Variants in RBBP8NL observed in about 807,000 individuals in gnomAD.
The protein encoded by RBBP8NL is RBBP8 N-terminal like.
In RBBP8NL, 59 loss-of-function variants were observed where a neutral mutation model predicts 62.2. The ratio of observed to expected loss-of-function variants is 0.95; its 90% CI spans 0.77 to 1.18. The LOEUF (loss-of-function observed/expected upper bound fraction) is 1.18, where lower values mean the gene tolerates loss of function less well. Among genes scored for constraint, RBBP8NL ranks in the 50% most tolerant of loss-of-function variants. The pLI is 0.00. For missense variants in RBBP8NL, 896 were observed against 899.5 expected, an observed-to-expected ratio of 1.00 and a Z score of 0.05; for synonymous variants, 412 against 394.1, an observed-to-expected ratio of 1.05 and a Z score of -0.54.
chr20:62,413,520 G>T lies in RBBP8NL; in HGVS notation c.1556C>A (p.Ser519Tyr). Residue 519 changes from serine (S) to tyrosine (Y), a missense_variant, in exon 11 of 14, where the codon TCC (serine) becomes TAC (tyrosine). Coordinates refer to ENST00000252998, the MANE Select transcript of RBBP8NL (RefSeq NM_080833.3). ...GCCTGGAGAGGACAGGCTGAGCTGG[G>T]ACCCTGGAAGTGGGCGTGAGGGGTC... The part of the protein sequence containing the change: ...PMDPSRPLPG[S>Y]QLSLSSPGST... The T allele has an allele frequency of 1.3e-6, 2 of 1,523,408 alleles. No individual in the cohort carries two copies. Among genetic ancestry groups the T allele is most frequent in the Non-Finnish European group, 1.8e-6 (2 of 1,142,242 alleles). 94.4% of individuals were successfully genotyped at this position (1,523,408 alleles called of 1,614,324 possible).
chr20:62,421,913 GTGTGTGTGC>G (rs1455877021), intron 1 of RBBP8NL, among the ~76,000 whole-genome samples: 5 of 151,716 alleles, frequency 3.3e-5, no homozygotes, highest in Non-Finnish European at 4.4e-5. Flanking sequence ...CAGTGTGCAT[GTGTGTGTGC>G]TGTGTGTGTG....
Position 62,414,322 on chromosome 20 carries a change from C to T in RBBP8NL, c.1029G>A (p.Leu343=), listed in dbSNP as rs1260231767. The stretch of plus-strand genomic sequence containing the variant: ...CCAGGCGAAGGTCCTGCATGCCCGC[C>T]AGGGCACTGGGCAGCCCCAGCAGTT... ...PTELLGLPSA[L]AGMQDLRLEG... The change falls in exon 10 of 14, where the codon CTG becomes CTA. Residue 343 remains leucine (L), a synonymous_variant. Transcript: ENST00000252998. 1 of 1,561,114 alleles carries T rather than the reference C, an allele frequency of 6.4e-7. No individual in the cohort carries two copies. Among genetic ancestry groups the T allele is most frequent in the Non-Finnish European group, 8.7e-7 (1 of 1,154,214 alleles).
At chr20:62,413,752 G>A in intron 10 of RBBP8NL, 69 bp downstream of exon 10, 1 of 1,508,306 alleles carries the variant, frequency 6.6e-7, no homozygotes, top group Non-Finnish European at 8.9e-7. Flanking sequence ...GAGGTCTGGG[G>A]GGAGGCCGGC....
chr20:62,427,005 C>T (rs1018142245), intron 1 of RBBP8NL, among the ~76,000 whole-genome samples: 10 of 152,312 alleles, frequency 6.6e-5, no homozygotes, highest in African/African-American at 1.7e-4. Flanking sequence ...ACAGACACAG[C>T]GGCAGAGGAG....
intron 1 of RBBP8NL, among the ~76,000 whole-genome samples, chr20:62,426,089 TAGCAGC>T (rs1300929407): frequency 4.8e-5 from 7 of 146,686 alleles, no homozygotes; most frequent in Admixed American, 1.4e-4. Flanking sequence ...GCAGTGGAAG[TAGCAGC>T]GGCAGCGGCA....
In RBBP8NL at chr20:62,412,690, A is replaced by C; in HGVS notation, c.1810T>G (p.Cys604Gly). The change falls in exon 13 of 14, where the codon TGC (cysteine) becomes GGC (glycine). Residue 604 changes from cysteine to glycine, a missense_variant. Coordinates refer to ENST00000252998, the MANE Select transcript of RBBP8NL (RefSeq NM_080833.3). ...STTGEGPECI[C>G]TQEHGQGPPR... The stretch of plus-strand genomic sequence containing the variant: ...GGACCCTGCCCGTGCTCCTGGGTGC[A>C]GATGCACTCAGGCCCCTCCCCGGTC... The C allele has an allele frequency of 1.9e-6, 3 of 1,609,266 alleles. No individual in the cohort carries two copies. Among genetic ancestry groups the C allele is most frequent in the Non-Finnish European group, 2.5e-6 (3 of 1,179,904 alleles).
chr20:62,410,894 G>A lies in RBBP8NL; in HGVS notation c.1979C>T (p.Pro660Leu). The A allele has an allele frequency of 6.2e-7, 1 of 1,612,570 alleles. No individual in the cohort carries two copies. Among genetic ancestry groups the A allele is most frequent in the Non-Finnish European group, 8.5e-7 (1 of 1,179,242 alleles). Residue 660 changes from proline (P) to leucine (L), a missense_variant, in exon 14 of 14, where the codon CCC becomes CTC. By Grantham distance (98) the Pro-to-Leu change is moderately conservative. Coordinates refer to ENST00000252998, the MANE Select transcript of RBBP8NL (RefSeq NM_080833.3). ...EDHSPSPNSS[P>L]WEET ...GCAGGCTGGCTAGGTCTCCTCCCAG[G>A]GGCTGCTGTTGGGGGAGGGACTGTG...
At chr20:62,416,266 C>A (rs1207226930) in intron 5 of RBBP8NL, 30 bp from the exon 6 acceptor site, 1 of 377,860 alleles carries the variant, frequency 2.6e-6, no homozygotes, top group Admixed American at 4.1e-5. Flanking sequence ...GCAAAGCAGC[C>A]AGGGGTTGGG....
At position 62,416,759 on chromosome 20, in the gene RBBP8NL, C is replaced by T; in HGVS notation, c.313+1G>A. ...CCGGTTGTCTGGTGGGTGGGGCTCA[C>T]TGAGGATGAAGATGCGCTGCAGGTT... On this transcript the variant is annotated splice_donor_variant, in intron 5 of 13. Coordinates refer to ENST00000252998, the MANE Select transcript of RBBP8NL (RefSeq NM_080833.3). LOFTEE classifies it high-confidence loss of function. The T allele has an allele frequency of 6.3e-7, 1 of 1,576,500 alleles. No homozygotes were observed. Among genetic ancestry groups the T allele is most frequent in the Non-Finnish European group, 8.6e-7 (1 of 1,159,108 alleles).
chr20:62,415,551 T>C, intron 8 of RBBP8NL, 27 bp downstream of exon 8: 5 of 1,609,962 alleles, frequency 3.1e-6, no homozygotes, highest in Non-Finnish European at 4.2e-6. Flanking sequence ...CAGCTGCACA[T>C]GGTGGGCTCC....
intron 3 of RBBP8NL, among the ~76,000 whole-genome samples, chr20:62,417,727 T>C (rs1307420688): frequency 1.3e-5 from 1 of 76,300 alleles, no homozygotes; most frequent in Non-Finnish European, 2.3e-5. Flanking sequence ...GCCCCCCCAG[T>C]CATCTGCACG....
rs1988404268 is a variant in RBBP8NL at position 62,410,316 on chromosome 20, C to T, written c.*562G>A. 1 of 153,380 alleles carries T rather than the reference C, an allele frequency of 6.5e-6. No individual in the cohort carries two copies. 9.5% of individuals were successfully genotyped at this position (153,380 alleles called of 1,614,324 possible). ...TGCTGCCGCCCACTGTCTCCCTCCA[C>T]CCTCACTGCCAGACATCTGTTTGCT... On this transcript the variant is annotated 3_prime_UTR_variant, in exon 14 of 14. Transcript: ENST00000252998.
chr20:62,426,830 C>G (rs564712945), intron 1 of RBBP8NL, among the ~76,000 whole-genome samples: 17 of 152,350 alleles, frequency 1.1e-4, no homozygotes, highest in African/African-American at 3.8e-4. Context: ...AACAGAGGAG[C>G]CAGCCGAGGT....
intron 4 of RBBP8NL, 68 bp from the exon 5 acceptor site, chr20:62,416,940 C>T: frequency 1.7e-6 from 2 of 1,210,916 alleles, no homozygotes; most frequent in Non-Finnish European, 2.3e-6. Flanking sequence ...GGGACACTCA[C>T]TGCCCCACTG....
Position 62,412,644 on chromosome 20 carries a change from GCCC to G in RBBP8NL, c.1853_1855del (p.Arg618_Ala619delinsPro). Reference sequence around the variant, plus strand: ...TGTACCTTTGTCCCCAGGCTCCGAGGCCCGCTTCCTCTTCCGTGGTGGACCCTG... The same window carrying G: ...TGTACCTTTGTCCCCAGGCTCCGAGGGCTTCCTCTTCCGTGGTGGACCCTG... On this transcript the variant is annotated inframe_deletion, in exon 13 of 14. Transcript: ENST00000252998. 1 of 1,605,954 alleles carries G rather than the reference GCCC, an allele frequency of 6.2e-7. No homozygotes were observed. The highest frequency in any genetic ancestry group is 8.5e-7 in the Non-Finnish European group (1 of 1,179,876).
intron 1 of RBBP8NL, among the ~76,000 whole-genome samples, chr20:62,421,241 G>A (rs1007530278): frequency 6.6e-6 from 1 of 152,102 alleles, no homozygotes; most frequent in Admixed American, 6.5e-5. Context: ...GCACGCCCGA[G>A]CCAGTGTGCA....
At chr20:62,421,922 CTG>C (rs1988710153) in intron 1 of RBBP8NL, among the ~76,000 whole-genome samples, 1 of 152,046 alleles carries the variant, frequency 6.6e-6, no homozygotes, top group South Asian at 2.1e-4. Context: ...TGTGTGTGTG[CTG>C]TGTGTGTGCA....
intron 13 of RBBP8NL, among the ~76,000 whole-genome samples, chr20:62,411,504 T>G (rs1158938240): frequency 2.0e-5 from 3 of 152,252 alleles, no homozygotes; most frequent in African/African-American, 7.2e-5. Context: ...CTTGGGCAAG[T>G]GACCTCTCCC....
chr20:62,420,389 C>T (rs1398379431), intron 1 of RBBP8NL, among the ~76,000 whole-genome samples: 1 of 146,068 alleles, frequency 6.8e-6, no homozygotes, highest in South Asian at 2.1e-4. Flanking sequence ...CACACACACA[C>T]ACACAGATAG....
Sources: gnomAD v4.1 joint callset for allele counts (sites outside exome capture counted in the v4.1 genomes callset) on GRCh38, gnomAD v4.1.1 for gene constraint, MANE v1.5 for transcripts, NCBI Gene and HGNC (gene_info 2026-07-23, HGNC 2026-07-21) for gene names.